Variants in ALKBH8 observed in about 807,000 individuals in gnomAD.
ALKBH8 encodes tRNA (carboxymethyluridine(34)-5-O)-methyltransferase ALKBH8.
In ALKBH8, 36 loss-of-function variants were observed where a neutral mutation model predicts 59.8. The observed-to-expected ratio is 0.60, with a 90% CI of 0.46 to 0.79. The LOEUF is 0.79. ALKBH8 is among the 30% of genes least tolerant of loss of function. The probability of loss-of-function intolerance (pLI) is 0.00; values close to 1 mark genes in which losing one functional copy is unlikely to be tolerated. For synonymous variants in ALKBH8, 276 were observed against 273.6 expected (o/e 1.01, Z -0.09); for missense variants, 768 against 801.0 (o/e 0.96, Z 0.50).
Position 107,505,004 on chromosome 11 carries a change from C to A in ALKBH8, c.1649G>T (p.Ser550Ile). The change falls in exon 12 of 12, where the codon AGT (serine) becomes ATT (isoleucine). Residue 550 changes from serine to isoleucine, a missense_variant. By Grantham distance (142) the Ser-to-Ile change is moderately radical. Transcript: ENST00000428149. ...SLVEQMRDMG[S>I]RDSASSVPRI... Reference sequence around the variant, plus strand: ...GGGGACAGAAGATGCCGAGTCTCGACTGCCCATGTCACGCATTTGCTCCAC... The same window carrying A: ...GGGGACAGAAGATGCCGAGTCTCGAATGCCCATGTCACGCATTTGCTCCAC... 2 of 1,551,758 alleles carry A rather than the reference C, an allele frequency of 1.3e-6. No homozygotes were observed.
chr11:107,518,697 C>T (rs1383774732), intron 10 of ALKBH8, among the ~76,000 whole-genome samples: 1 of 152,262 alleles, frequency 6.6e-6, no homozygotes, highest in Non-Finnish European at 1.5e-5. Context: ...CCCTTCGTTT[C>T]CCGTAAGGGA....
At chr11:107,512,128 T>C (rs960573703) in intron 10 of ALKBH8, among the ~76,000 whole-genome samples, 1 of 152,040 alleles carries the variant, frequency 6.6e-6, no homozygotes, top group East Asian at 1.9e-4. Context: ...GGATTTCCCA[T>C]CTTCTTTCTC....
intron 10 of ALKBH8, among the ~76,000 whole-genome samples, chr11:107,520,410 T>G (rs967570030): frequency 1.3e-5 from 2 of 152,234 alleles, no homozygotes; most frequent in Non-Finnish European, 2.9e-5. Context: ...CAAGAAATCA[T>G]TCTTCTCAAT....
At chr11:107,545,111 T>A (rs1032744914) in intron 7 of ALKBH8, among the ~76,000 whole-genome samples, 1 of 152,156 alleles carries the variant, frequency 6.6e-6, no homozygotes, top group African/African-American at 2.4e-5. Flanking sequence ...ATTGTTTGGC[T>A]TCTGAGGCTG....
At chr11:107,539,125 G>C (rs372181080) in intron 7 of ALKBH8, among the ~76,000 whole-genome samples, 1 of 152,140 alleles carries the variant, frequency 6.6e-6, no homozygotes, top group African/African-American at 2.4e-5. Flanking sequence ...GGTGATACCC[G>C]CAGAAGTACA....
chr11:107,555,110 A>T (rs547281069), intron 3 of ALKBH8, among the ~76,000 whole-genome samples: 109 of 152,194 alleles, frequency 7.2e-4, no homozygotes, highest in Middle Eastern at 3.4e-3. Flanking sequence ...ATACAAAAAA[A>T]TTAGCCGGCC....
intron 10 of ALKBH8, among the ~76,000 whole-genome samples, chr11:107,516,904 T>C (rs572664476): frequency 2.6e-5 from 4 of 152,218 alleles, no homozygotes; most frequent in Non-Finnish European, 5.9e-5. Context: ...TGCATGCCTA[T>C]AGTGCCAGCT....
At chr11:107,505,522 T>C (rs924932652) in intron 11 of ALKBH8, among the ~76,000 whole-genome samples, 3 of 152,336 alleles carry the variant, frequency 2.0e-5, no homozygotes, top group Admixed American at 2.0e-4. Context: ...CTATAAGCGG[T>C]AATATGAAGC....
In ALKBH8 at chr11:107,553,855, TTGTC is replaced by T. The variant is rs747089550; in HGVS notation, c.487_490del (p.Asp163IlefsTer8). ...TTGAAAGTTTTACTTACAGTTTTGATTGTCTGTATCTTCTGTCCAATCAACACTT... is the reference window on the plus strand; with the variant it reads ...TTGAAAGTTTTACTTACAGTTTTGATTGTATCTTCTGTCCAATCAACACTT... On this transcript the variant is annotated frameshift_variant, in exon 4 of 12. Coordinates refer to ENST00000428149, the MANE Select transcript of ALKBH8 (RefSeq NM_138775.3). LOFTEE classifies it high-confidence loss of function. 1.2e-6 allele frequency: 2 copies of T among 1,608,788 alleles called. No individual in the cohort carries two copies. Among genetic ancestry groups the T allele is most frequent in the Non-Finnish European group, 1.7e-6 (2 of 1,178,572 alleles).
chr11:107,557,862 T>C (rs1432969556), intron 2 of ALKBH8, among the ~76,000 whole-genome samples: 2 of 152,192 alleles, frequency 1.3e-5, no homozygotes, highest in African/African-American at 4.8e-5. Flanking sequence ...AACCATTCTA[T>C]ACAATGTAAA....
At chr11:107,525,727 G>A (rs1863325727) in intron 8 of ALKBH8, 135 bp from the exon 9 acceptor site, 3 of 566,146 alleles carry the variant, frequency 5.3e-6, no homozygotes, top group Admixed American at 8.2e-5. Context: ...TGAATTGTTA[G>A]ACATTGTGGA....
Position 107,504,983 on chromosome 11 carries a change from A to ACAGAAGATGC in ALKBH8, c.1660_1669dup (p.Val557GlyfsTer8). 6.4e-7 allele frequency: 1 copy of ACAGAAGATGC among 1,551,602 alleles called. No homozygotes were observed. Among genetic ancestry groups the ACAGAAGATGC allele is most frequent in the Non-Finnish European group, 8.7e-7 (1 of 1,146,844 alleles). On this transcript the variant is annotated frameshift_variant, in exon 12 of 12. Transcript: ENST00000428149. LOFTEE classifies it low-confidence loss of function (END_TRUNC). ...TTCCTGAGAGTCATTAATGCGGGGG[A>ACAGAAGATGC]CAGAAGATGCCGAGTCTCGACTGCC... is the stretch of plus-strand genomic sequence containing the variant.
At chr11:107,536,051 T>C (rs1371809331) in intron 7 of ALKBH8, among the ~76,000 whole-genome samples, 1 of 152,218 alleles carries the variant, frequency 6.6e-6, no homozygotes, top group Non-Finnish European at 1.5e-5. Context: ...TACCTACTAT[T>C]TTACCAATCA....
chr11:107,554,685 A>C (rs1565347339), intron 3 of ALKBH8, among the ~76,000 whole-genome samples: 1 of 152,236 alleles, frequency 6.6e-6, no homozygotes, highest in Non-Finnish European at 1.5e-5. Flanking sequence ...TAATTCACAA[A>C]AATAGCAACT....
intron 11 of ALKBH8, among the ~76,000 whole-genome samples, chr11:107,505,435 TTC>T (rs149220349): frequency 5.7e-4 from 87 of 152,330 alleles, no homozygotes; most frequent in Non-Finnish European, 1.1e-3. Flanking sequence ...CAAAATTTAT[TTC>T]TGTTAATCTT....
At chr11:107,542,107 GA>G (rs1188531324) in intron 7 of ALKBH8, among the ~76,000 whole-genome samples, 1 of 151,850 alleles carries the variant, frequency 6.6e-6, no homozygotes, top group Non-Finnish European at 1.5e-5. Flanking sequence ...AAAAAATGTA[GA>G]AAAAAGGTAA....
At chr11:107,511,456 T>C (rs1198435181) in intron 10 of ALKBH8, among the ~76,000 whole-genome samples, 2 of 152,224 alleles carry the variant, frequency 1.3e-5, no homozygotes, top group East Asian at 3.8e-4. Flanking sequence ...CTCATTACCG[T>C]ATATACTATA....
At chr11:107,514,420 T>C (rs1169451723) in intron 10 of ALKBH8, among the ~76,000 whole-genome samples, 2 of 152,186 alleles carry the variant, frequency 1.3e-5, no homozygotes, top group African/African-American at 4.8e-5. Context: ...TTCTATATTT[T>C]ATCCTGGAGC....
At chr11:107,553,749 T>TA in intron 4 of ALKBH8, 98 bp downstream of exon 4, 2 of 1,333,342 alleles carry the variant, frequency 1.5e-6, no homozygotes. Context: ...CTAGTTTCAG[T>TA]AATTTTGAGG....
Sources: gnomAD v4.1 joint callset for allele counts (sites outside exome capture counted in the v4.1 genomes callset) on GRCh38, gnomAD v4.1.1 for gene constraint, MANE v1.5 for transcripts, NCBI Gene and HGNC (gene_info 2026-07-23, HGNC 2026-07-21) for gene names.